UNC79: variants seen among roughly 807,000 people sequenced by gnomAD.
UNC79 encodes the protein protein unc-79 homolog.
Under a neutral mutation model 283.1 loss-of-function variants are expected in UNC79, and 37 were observed. The ratio of observed to expected loss-of-function variants is 0.13; its 90% CI spans 0.10 to 0.17. UNC79 has a LOEUF of 0.17. Among genes scored for constraint, UNC79 ranks in the 10% least tolerant of loss-of-function variants. The pLI is 1.00. For synonymous variants in UNC79, 1,107 were observed against 1,200.2 expected, an observed-to-expected ratio of 0.92 and a Z score of 1.61; for missense variants, 2,272 against 3,211.1, an observed-to-expected ratio of 0.71 and a Z score of 7.07.
intron 2 of UNC79, among the ~76,000 whole-genome samples, chr14:93,472,265 T>G (rs2057548387): frequency 1.3e-5 from 2 of 152,124 alleles, no homozygotes; most frequent in South Asian, 4.1e-4. Flanking sequence ...ACTGGGTTTA[T>G]CAAGAATATA....
intron 1 of UNC79, chr14:93,347,189 T>G: frequency 6.8e-7 from 1 of 1,476,042 alleles, no homozygotes; most frequent in Non-Finnish European, 9.0e-7. Context: ...ACCAGCTGCC[T>G]CACGAGCACT....
chr14:93,405,089 C>T lies in UNC79; in HGVS notation c.-350-62582C>T, dbSNP rs544813264. ...CCTGAGGTCGGTAGTTCGAGACCCG[C>T]CTGGCCAACGTGGTGAAACCCCTTC... On this transcript the variant is annotated intron_variant, in intron 1 of 49. Coordinates refer to the UNC79 transcript ENST00000256339. Among the ~76,000 whole-genome samples, 38 of 152,114 alleles carry T rather than the reference C, an allele frequency of 2.5e-4. No homozygotes were observed. The South Asian group carries it at 7.5e-3, about 30-fold the overall frequency.
intron 4 of UNC79, among the ~76,000 whole-genome samples, chr14:93,482,253 C>T (rs1192507167): frequency 6.6e-6 from 1 of 152,072 alleles, no homozygotes; most frequent in East Asian, 1.9e-4. Context: ...ACTTTTTCTT[C>T]TAGAGTTTGT....
rs766149565 is a variant in UNC79, at chr14:93,586,913, G to A, written c.3032+5G>A. 1.1e-5 allele frequency: 18 copies of A among 1,612,684 alleles called. No individual in the cohort carries two copies. The highest frequency in any genetic ancestry group is 1.0e-4 in the Admixed American group (6 of 59,852). On this transcript the variant is annotated splice_donor_5th_base_variant and intron_variant, in intron 22 of 48. Transcript: ENST00000555664. ...GGACCACATGTTGATTGCAAGGTAC[G>A]TCTTCCTAATGGTTTGTTTTGATTG...
intron 1 of UNC79, among the ~76,000 whole-genome samples, chr14:93,346,832 G>A (rs981076617): frequency 1.3e-5 from 2 of 152,052 alleles, no homozygotes; most frequent in African/African-American, 4.8e-5. Flanking sequence ...CTCAGGGGAG[G>A]GTGGCAGGAG....
intron 11 of UNC79, among the ~76,000 whole-genome samples, chr14:93,533,303 A>T (rs1483281488): frequency 6.6e-6 from 1 of 152,210 alleles, no homozygotes; most frequent in Non-Finnish European, 1.5e-5. Flanking sequence ...GGGCTGTCTC[A>T]GTTATCTATG....
chr14:93,502,422 T>A (rs958206011), intron 7 of UNC79, among the ~76,000 whole-genome samples: 1 of 151,144 alleles, frequency 6.6e-6, no homozygotes, highest in African/African-American at 2.4e-5. Flanking sequence ...CAAAAAAAAA[T>A]GCAAAAAATT....
In UNC79 at chr14:93,540,646, C is replaced by T. The variant is rs780910611; in HGVS notation, c.1353-14C>T. ...TTTCACAGTCTAACTTGAAATCACA[C>T]TGCTCTTTGGCAGCTTGTTGAAAGA... On this transcript the variant is annotated splice_polypyrimidine_tract_variant and intron_variant, in intron 12 of 48. Transcript: ENST00000555664. The T allele has an allele frequency of 1.9e-6, 3 of 1,608,980 alleles. No individual in the cohort carries two copies. Among genetic ancestry groups the T allele is most frequent in the South Asian group, 1.1e-5 (1 of 90,546 alleles).
At chr14:93,542,420 A>G (rs2061422372) in intron 13 of UNC79, 46 bp from the exon 14 acceptor site, 1 of 1,554,772 alleles carries the variant, frequency 6.4e-7, no homozygotes, top group Non-Finnish European at 8.8e-7. Context: ...ATAATTTTGT[A>G]AAGATGGATG....
chr14:93,520,115 T>C (rs927476587), intron 7 of UNC79, among the ~76,000 whole-genome samples: 1 of 151,922 alleles, frequency 6.6e-6, no homozygotes, highest in Admixed American at 6.6e-5. Context: ...TCTTATTTTG[T>C]GTTTGTCTTC....
intron 1 of UNC79, among the ~76,000 whole-genome samples, chr14:93,365,422 A>T (rs1216537403): frequency 1.3e-5 from 2 of 151,684 alleles, no homozygotes; most frequent in African/African-American, 4.8e-5. Context: ...AGACTACCAA[A>T]TTTCACCAAA....
intron 1 of UNC79, among the ~76,000 whole-genome samples, chr14:93,464,181 CTCTA>C (rs1442523941): frequency 1.3e-5 from 2 of 152,020 alleles, no homozygotes; most frequent in African/African-American, 4.8e-5. Context: ...AAAAGATTTC[CTCTA>C]TGATGGTGTA....
intron 48 of UNC79, among the ~76,000 whole-genome samples, chr14:93,705,686 CA>C (rs2075830809): frequency 6.6e-6 from 1 of 152,226 alleles, no homozygotes; most frequent in South Asian, 2.1e-4. Flanking sequence ...CTATGACCAG[CA>C]AACAGAGTTA....
chr14:93,405,965 C>G (rs2055216722), intron 1 of UNC79, among the ~76,000 whole-genome samples: 1 of 152,096 alleles, frequency 6.6e-6, no homozygotes, highest in South Asian at 2.1e-4. Flanking sequence ...CTTGTGATTC[C>G]TGGGACATTG....
chr14:93,584,862 AG>A (rs1450196745), intron 20 of UNC79, among the ~76,000 whole-genome samples: 43 of 149,450 alleles, frequency 2.9e-4, no homozygotes, highest in African/African-American at 1.0e-3. Flanking sequence ...ACTCTGGCTA[AG>A]TTTTTTTTTT....
intron 14 of UNC79, among the ~76,000 whole-genome samples, chr14:93,545,766 G>C (rs981135912): frequency 6.6e-6 from 1 of 152,146 alleles, no homozygotes; most frequent in African/African-American, 2.4e-5. Context: ...AAACAACATC[G>C]ATTCACGGAA....
chr14:93,570,370 G>T (rs2063143820), intron 14 of UNC79, among the ~76,000 whole-genome samples: 2 of 152,148 alleles, frequency 1.3e-5, no homozygotes. Context: ...GTGTTCCAGG[G>T]CTTCTGAATT....
At chr14:93,643,862 C>T (rs1283914457) in intron 34 of UNC79, among the ~76,000 whole-genome samples, 165 bp downstream of exon 37, 1 of 152,166 alleles carries the variant, frequency 6.6e-6, no homozygotes, top group Non-Finnish European at 1.5e-5. Flanking sequence ...ACTCGTCTTT[C>T]GACTGAATTC....
chr14:93,525,485 T>C (rs920438667), intron 8 of UNC79, among the ~76,000 whole-genome samples: 1 of 151,964 alleles, frequency 6.6e-6, no homozygotes, highest in African/African-American at 2.4e-5. Flanking sequence ...ACCCACACAA[T>C]GGAAGTGTAG....
Sources: allele counts gnomAD v4.1 joint callset (sites outside exome capture counted in the v4.1 genomes callset), GRCh38; gene constraint gnomAD v4.1.1; transcripts MANE v1.5; gene names NCBI Gene and HGNC (gene_info 2026-07-23, HGNC 2026-07-21).